BTBD1: variants seen among roughly 807,000 people sequenced by gnomAD.
BTBD1 encodes BTB/POZ domain-containing protein 1.
In BTBD1, 34 loss-of-function variants were observed where a neutral mutation model predicts 48.0. The observed-to-expected ratio is 0.71, with a 90% CI of 0.54 to 0.94. BTBD1 has a LOEUF of 0.94. Among genes scored for constraint, BTBD1 ranks in the 40% least tolerant of loss-of-function variants. The pLI is 0.00. For missense variants in BTBD1, 543 were observed against 625.6 expected, an observed-to-expected ratio of 0.87 and a Z score of 1.41; for synonymous variants, 261 against 242.1, an observed-to-expected ratio of 1.08 and a Z score of -0.72.
chr15:83,056,704 T>TCC (rs2033092508), intron 1 of BTBD1, among the ~76,000 whole-genome samples, 159 bp from the exon 2 acceptor site: 1 of 112,358 alleles, frequency 8.9e-6, no homozygotes, highest in Admixed American at 1.1e-4. Flanking sequence ...TCCATTCATC[T>TCC]ATCCATCCAT....
At chr15:83,046,348 AG>A (rs1263212291) in intron 3 of BTBD1, among the ~76,000 whole-genome samples, 1 of 152,374 alleles carries the variant, frequency 6.6e-6, no homozygotes, top group East Asian at 1.9e-4. Context: ...ACAAACACAT[AG>A]GTCTTCTACT....
chr15:83,054,382 C>T (rs981213562), intron 2 of BTBD1, among the ~76,000 whole-genome samples: 6 of 151,930 alleles, frequency 3.9e-5, no homozygotes, highest in Non-Finnish European at 7.4e-5. Context: ...TATTAAACTA[C>T]ATCACAGCAT....
intron 4 of BTBD1, 85 bp from the exon 5 acceptor site, chr15:83,030,413 T>C (rs999362019): frequency 2.3e-5 from 26 of 1,143,264 alleles, no homozygotes; most frequent in Non-Finnish European, 2.2e-5. Context: ...AATTCAAATC[T>C]AGAGGACGTA....
chr15:83,025,025 A>AT (rs1346965425), intron 5 of BTBD1, among the ~76,000 whole-genome samples: 2 of 152,120 alleles, frequency 1.3e-5, no homozygotes, highest in Non-Finnish European at 2.9e-5. Flanking sequence ...ACTCTTATTA[A>AT]AAGAGAAACA....
intron 4 of BTBD1, among the ~76,000 whole-genome samples, chr15:83,031,116 A>G (rs1167177816): frequency 6.6e-6 from 1 of 152,120 alleles, no homozygotes; most frequent in Non-Finnish European, 1.5e-5. Flanking sequence ...ATCTTCCACA[A>G]TGGTTGAACT....
intron 7 of BTBD1, among the ~76,000 whole-genome samples, 181 bp downstream of exon 7, chr15:83,018,526 T>C (rs2032216800): frequency 6.6e-6 from 1 of 152,250 alleles, no homozygotes; most frequent in Non-Finnish European, 1.5e-5. Flanking sequence ...GAGCTATTTC[T>C]TTCAGAACAG....
Position 83,030,306 on chromosome 15 carries a change from C to G in BTBD1, c.885G>C (p.Leu295Phe). ...FAAGPAQSGI[L>F]SDREVVNLFL... ...AGAGGTTTACCACTTCACGATCTGA[C>G]AAAATTCCAGATTGAGCAGGACCTG... Residue 295 changes from leucine to phenylalanine, a missense_variant, in exon 5 of 8, where the codon TTG becomes TTC. Physicochemically the swap from Leu to Phe is conservative, Grantham distance 22 (BLOSUM62 0). Around this residue, in one of 3 missense-constraint regions of BTBD1, gnomAD observed 300 missense variants for 350.0 expected, o/e 0.86. Transcript: ENST00000261721. The G allele has an allele frequency of 6.2e-7, 1 of 1,613,624 alleles. No homozygotes were observed. The highest frequency in any genetic ancestry group is 8.5e-7 in the Non-Finnish European group (1 of 1,179,892).
At chr15:83,058,772 T>C (rs993656146) in intron 1 of BTBD1, among the ~76,000 whole-genome samples, 1 of 152,172 alleles carries the variant, frequency 6.6e-6, no homozygotes, top group Non-Finnish European at 1.5e-5. Context: ...TGCCCTTGAT[T>C]AGATTCACAC....
chr15:83,063,536 T>G (rs1373230682), intron 1 of BTBD1, among the ~76,000 whole-genome samples: 4 of 152,236 alleles, frequency 2.6e-5, no homozygotes, highest in African/African-American at 9.6e-5. Context: ...ATCTATCACC[T>G]TGCTGCCTAT....
At position 83,067,207 on chromosome 15, in the gene BTBD1, G is replaced by T. The variant is rs984635843; in HGVS notation, c.-56C>A. 1.5e-5 allele frequency: 20 copies of T among 1,337,600 alleles called. No homozygotes were observed. The highest frequency in any genetic ancestry group is 1.8e-5 in the Non-Finnish European group (19 of 1,045,494). 82.9% of individuals were successfully genotyped at this position (1,337,600 alleles called of 1,614,324 possible). On this transcript the variant is annotated 5_prime_UTR_variant, in exon 1 of 8. Transcript: ENST00000261721. ...ACAAAACTCCGCCGCCATCGCCCAG[G>T]CCGCCTCCGGAGGCCGGCGCTGCCT...
In BTBD1 at chr15:83,020,561, G is replaced by A. The variant is rs1303323959; in HGVS notation, c.1143+114C>T. ...TTTATGCTTACAATGCTACTAAGGG[G>A]CCTTCTGATTGCTTTGACAATTATA... On this transcript the variant is annotated intron_variant, in intron 6 of 7. Transcript: ENST00000261721. 1.0e-5 allele frequency: 7 copies of A among 694,776 alleles called. No homozygotes were observed. In the East Asian group the frequency reaches 1.8e-4, roughly 18 times the overall value. The allele number at this position is 694,776 out of a possible 1,614,324, so 43.0% of individuals were successfully genotyped here.
chr15:83,047,992 G>A (rs1208225776), intron 3 of BTBD1, among the ~76,000 whole-genome samples: 1 of 152,188 alleles, frequency 6.6e-6, no homozygotes, highest in Admixed American at 6.5e-5. Flanking sequence ...GTGTATGGGA[G>A]CAAGACTGCA....
At chr15:83,060,424 A>T (rs993447913) in intron 1 of BTBD1, among the ~76,000 whole-genome samples, 2 of 151,236 alleles carry the variant, frequency 1.3e-5, no homozygotes, top group African/African-American at 4.9e-5. Flanking sequence ...ACATGTCCTC[A>T]AATTAGTCCT....
At chr15:83,026,744 G>A (rs1282304963) in intron 5 of BTBD1, among the ~76,000 whole-genome samples, 1 of 151,888 alleles carries the variant, frequency 6.6e-6, no homozygotes, top group African/African-American at 2.4e-5. Flanking sequence ...CTGGTCTCGA[G>A]CTCCCGACCT....
chr15:83,054,743 G>A (rs1239113495), intron 2 of BTBD1, among the ~76,000 whole-genome samples: 1 of 152,006 alleles, frequency 6.6e-6, no homozygotes, highest in African/African-American at 2.4e-5. Flanking sequence ...TGTATTTTTA[G>A]TAGAGACGGG....
chr15:83,025,357 C>CAAAAAAAAA lies in BTBD1; in HGVS notation c.1056-4604_1056-4596dup, dbSNP rs767479917. On this transcript the variant is annotated intron_variant, in intron 5 of 7. Transcript: ENST00000261721. ...TGGGCAACAAAACAAGACTCCATCA[C>CAAAAAAAAA]AAAAAAAAAAAAAAAAAAAAAAAGA... Among the ~76,000 whole-genome samples the CAAAAAAAAA allele has an allele frequency of 1.4e-3, 91 of 64,138 alleles. 1 individual carries two copies. Among genetic ancestry groups the CAAAAAAAAA allele is most frequent in the Middle Eastern group, 0.011 (1 of 88 alleles). 42.1% of individuals were successfully genotyped at this position (64,138 alleles called of 152,430 possible).
chr15:83,021,451 C>T (rs1005511125), intron 5 of BTBD1, among the ~76,000 whole-genome samples: 1 of 152,078 alleles, frequency 6.6e-6, no homozygotes, highest in African/African-American at 2.4e-5. Flanking sequence ...TAAAAACTGA[C>T]ATTAAATACA....
chr15:83,066,226 A>G (rs1479156538), intron 1 of BTBD1, among the ~76,000 whole-genome samples: 1 of 151,990 alleles, frequency 6.6e-6, no homozygotes, highest in South Asian at 2.1e-4. Context: ...CTGAGCCCGG[A>G]GAGGTCGAGG....
intron 4 of BTBD1, among the ~76,000 whole-genome samples, chr15:83,036,207 G>C (rs565495149): frequency 6.7e-6 from 1 of 148,440 alleles, no homozygotes; most frequent in South Asian, 2.1e-4. Flanking sequence ...TTGCAAGATG[G>C]TAAACATAAA....
Sources: gnomAD v4.1 joint callset for allele counts (sites outside exome capture counted in the v4.1 genomes callset) on GRCh38, gnomAD v4.1.1 for gene constraint, gnomAD v4.1.1 regional missense constraint, MANE v1.5 for transcripts, NCBI Gene and HGNC (gene_info 2026-07-23, HGNC 2026-07-21) for gene names.